The following LZTR1 variants were observed in gnomAD, a reference collection of about 807,000 sequenced individuals.
LZTR1 encodes leucine-zipper-like transcriptional regulator 1.
In LZTR1, 260 loss-of-function variants were observed where a neutral mutation model predicts 105.7. The ratio of observed to expected loss-of-function variants is 2.46; its 90% CI spans 2.22 to 2.72. The LOEUF (loss-of-function observed/expected upper bound fraction) is 2.72, where lower values mean the gene tolerates loss of function less well. Among genes scored for constraint, LZTR1 ranks in the 30% most tolerant of loss-of-function variants. LZTR1 has a pLI of 0.00. For synonymous variants in LZTR1, 490 were observed against 476.4 expected (o/e 1.03, Z -0.37); for missense variants, 1,214 against 1,166.9 (o/e 1.04, Z -0.59).
rs978505307 is a variant in LZTR1 at position 20,992,218 on chromosome 22, G to A, written c.998G>A (p.Gly333Asp). ...CCATGTGTCTCCCCTCTTCAGGTTG[G>A]TGGGGCTGAAGTGCCCGAGCGAGCC... ...VVQPSSDSEV[G>D]GAEVPERACA... is the part of the protein sequence containing the mutation. The change falls in exon 10 of 21, where the codon GGT (glycine) becomes GAT (aspartate). Residue 333 changes from glycine to aspartate, a missense_variant. Physicochemically the swap from Gly to Asp is moderately conservative, Grantham distance 94. Coordinates refer to ENST00000646124, the MANE Select transcript of LZTR1 (RefSeq NM_006767.4). 6.2e-7 allele frequency: 1 copy of A among 1,613,102 alleles called. No homozygotes were observed. Among genetic ancestry groups the A allele is most frequent in the African/African-American group, 1.3e-5 (1 of 74,912 alleles).
rs370702401 is a variant in LZTR1, at chr22:20,987,784, G to A, written c.400+201G>A. Among the ~76,000 whole-genome samples the A allele has an allele frequency of 3.5e-4, 53 of 152,332 alleles. 3 individuals are homozygous for A. The South Asian group carries it at 0.011, about 31-fold the overall frequency. On this transcript the variant is annotated intron_variant, in intron 4 of 20. Transcript: ENST00000646124. ...TAACGGCCCTGAGCTCACAGGGTTG[G>A]GTGTCTTTCTGTGTTACTGAGCTGT...
chr22:20,987,896 A>G, intron 4 of LZTR1, 114 bp from the exon 5 acceptor site: 1 of 706,704 alleles, frequency 1.4e-6, no homozygotes, highest in Non-Finnish European at 2.5e-6. Context: ...GGGCTTGTGG[A>G]AGGAGTCCTG....
rs1373464938 is a variant in LZTR1 at position 20,982,417 on chromosome 22, C to G, written c.46C>G (p.Leu16Val). ...GGGGGGGCAGATCGGGGCTGCGGCC[C>G]TGGCAGGCGGCGCGCGGTCCAAGGT... Reference protein sequence around the residue: ...STGGQIGAAALAGGARSKVAP... With the variant: ...STGGQIGAAAVAGGARSKVAP... Residue 16 changes from leucine to valine, a missense_variant, in exon 1 of 21, where the codon CTG (leucine) becomes GTG (valine). Coordinates refer to ENST00000646124, the MANE Select transcript of LZTR1 (RefSeq NM_006767.4). The G allele has an allele frequency of 1.9e-6, 3 of 1,572,516 alleles. No homozygotes were observed. The highest frequency in any genetic ancestry group is 2.6e-6 in the Non-Finnish European group (3 of 1,158,444).
rs1924969132 is a variant in LZTR1 at position 20,998,558 on chromosome 22, G to A, written c.*1210G>A. ...ACCTGCTCTCCTTTGGGTGTATGCA[G>A]GTGTGTGGGGGGCCCTGAGTGGCAA... On this transcript the variant is annotated 3_prime_UTR_variant, in exon 21 of 21. Transcript: ENST00000646124. 6.6e-6 allele frequency: 1 copy of A among 152,406 alleles called. No individual in the cohort carries two copies. The highest frequency in any genetic ancestry group is 1.5e-5 in the Non-Finnish European group (1 of 68,206). 9.4% of individuals were successfully genotyped at this position (152,406 alleles called of 1,614,324 possible).
intron 3 of LZTR1, chr22:20,986,424 A>C (rs979548262): frequency 1.4e-5 from 2 of 145,556 alleles, no homozygotes; most frequent in African/African-American, 5.1e-5. Flanking sequence ...ATAGAAAGAA[A>C]GATAGATAGA....
chr22:20,982,334 T>C lies in LZTR1; in HGVS notation c.-38T>C, dbSNP rs1459786357. ...GCCGGCCCGGGGCGGTGGCCGCAAG[T>C]TGGGCTTACAGCGCGGCCGATCCGG... On this transcript the variant is annotated 5_prime_UTR_variant, in exon 1 of 21. Coordinates refer to ENST00000646124, the MANE Select transcript of LZTR1 (RefSeq NM_006767.4). 1.3e-6 allele frequency: 2 copies of C among 1,493,910 alleles called. No individual in the cohort carries two copies. Among genetic ancestry groups the C allele is most frequent in the East Asian group, 5.0e-5 (2 of 39,866 alleles). 92.5% of individuals were successfully genotyped at this position (1,493,910 alleles called of 1,614,324 possible). A position where few individuals can be genotyped will look rare whatever the true frequency, so the allele number is the denominator to read the frequency against.
chr22:20,995,788 C>T lies in LZTR1; in HGVS notation c.1985C>T (p.Ala662Val), dbSNP rs200248773. 153 of 1,613,504 alleles carry T rather than the reference C, an allele frequency of 9.5e-5. 2 individuals are homozygous for T. The South Asian group carries it at 1.5e-3, about 16-fold the overall frequency. ...GACATGAAGGCATACCTGGAGGGAGCGGGCGCGGAATTCTGTGACATCACT... is the reference window on the plus strand; with the variant it reads ...GACATGAAGGCATACCTGGAGGGAGTGGGCGCGGAATTCTGTGACATCACT... ...IQDMKAYLEGAGAEFCDITLL... is the reference protein window; with the variant it reads ...IQDMKAYLEGVGAEFCDITLL... Residue 662 changes from alanine (A) to valine (V), a missense_variant, in exon 17 of 21, where the codon GCG becomes GTG. By Grantham distance (64) the Ala-to-Val change is moderately conservative (BLOSUM62 0). Transcript: ENST00000646124.
At chr22:20,991,310 CT>C in intron 8 of LZTR1, 1 of 382,604 alleles carries the variant, frequency 2.6e-6, no homozygotes, top group Non-Finnish European at 4.8e-6. Context: ...CTCTGCACAA[CT>C]TTACTCCCCA....
In LZTR1 at chr22:20,987,558, C is replaced by G. The variant is rs201356174; in HGVS notation, c.375C>G (p.Val125=). The G allele has an allele frequency of 3.1e-6, 5 of 1,614,168 alleles. 1 individual carries two copies. The South Asian group carries it at 4.4e-5, about 14-fold the overall frequency. Residue 125 remains valine (V), a synonymous_variant, in exon 4 of 21, where the codon GTC becomes GTG. Coordinates refer to ENST00000646124, the MANE Select transcript of LZTR1 (RefSeq NM_006767.4). ...PAPRYHHSAV[V]YGSSMFVFGG... ...CCCGTTACCACCACTCGGCCGTCGT[C>G]TATGGGAGCAGCATGTTTGTCTTTG...
At position 20,997,251 on chromosome 22, in the gene LZTR1, T is replaced by C. The variant is rs771094125; in HGVS notation, c.2426T>C (p.Leu809Pro). The C allele has an allele frequency of 1.2e-6, 2 of 1,613,656 alleles. No individual in the cohort carries two copies. The highest frequency in any genetic ancestry group is 8.5e-7 in the Non-Finnish European group (1 of 1,179,722). Residue 809 changes from leucine (L) to proline (P), a missense_variant, in exon 21 of 21, where the codon CTG (leucine) becomes CCG (proline). By Grantham distance (98) the Leu-to-Pro change is moderately conservative. Coordinates refer to ENST00000646124, the MANE Select transcript of LZTR1 (RefSeq NM_006767.4). ...QFTKVSKLPT[L>P]RSLSQQLLLD... Reference sequence around the variant, plus strand: ...TTACAGGTCTCCAAGTTGCCCACCCTGCGGTCGCTGAGCCAGCAGCTGCTG... The same window carrying C: ...TTACAGGTCTCCAAGTTGCCCACCCCGCGGTCGCTGAGCCAGCAGCTGCTG...
rs1395345900 is a variant in LZTR1 at position 20,985,834 on chromosome 22, C to T, written c.264-7C>T. On this transcript the variant is annotated splice_polypyrimidine_tract_variant and splice_region_variant and intron_variant, in intron 2 of 20. Transcript: ENST00000646124. ...TAATGCCACCCTCTCTTCCGGCTGCCTTTCAGGAAGACCATGCTCAATGAC... is the reference window on the plus strand; with the variant it reads ...TAATGCCACCCTCTCTTCCGGCTGCTTTTCAGGAAGACCATGCTCAATGAC... The T allele has an allele frequency of 2.5e-6, 4 of 1,613,954 alleles. No individual in the cohort carries two copies. The East Asian group carries it at 6.7e-5, about 27-fold the overall frequency.
Position 20,997,465 on chromosome 22 carries a change from T to TG in LZTR1, c.*117_*118insG. 1.2e-6 allele frequency: 1 copy of TG among 804,426 alleles called. No homozygotes were observed. The highest frequency in any genetic ancestry group is 1.5e-5 in the South Asian group (1 of 65,400). 49.8% of individuals were successfully genotyped at this position (804,426 alleles called of 1,614,324 possible). A position where few individuals can be genotyped will look rare whatever the true frequency, so the allele number is the denominator to read the frequency against. ...GTGGGTGCACCTGCCAGGCCAAGGG[T>TG]CAGGGTGCCCAGAGCCTCCAAAGAG... On this transcript the variant is annotated 3_prime_UTR_variant, in exon 21 of 21. Coordinates refer to ENST00000646124, the MANE Select transcript of LZTR1 (RefSeq NM_006767.4).
At chr22:20,987,039 T>G (rs1206097956) in intron 3 of LZTR1, 2 of 151,954 alleles carry the variant, frequency 1.3e-5, no homozygotes, top group African/African-American at 4.9e-5. Context: ...TGTTTTTTCC[T>G]TATTGGTGAT....
rs777131276 is a variant in LZTR1 at position 20,996,898 on chromosome 22, G to A, written c.2338G>A (p.Ala780Thr). 1.2e-6 allele frequency: 2 copies of A among 1,612,290 alleles called. No individual in the cohort carries two copies. The highest frequency in any genetic ancestry group is 2.2e-5 in the East Asian group (1 of 44,832). Residue 780 changes from alanine to threonine, a missense_variant, in exon 20 of 21, where the codon GCT becomes ACT. By Grantham distance (58) the Ala-to-Thr change is moderately conservative (BLOSUM62 0). Transcript: ENST00000646124. The part of the protein sequence containing the change: ...VQNVLQILEA[A>T]DKTQALDMKR... ...CCTGCCATTGCAGATCCTGGAGGCAGCTGACAAAACGCAGGCACTGGACAT... is the reference window on the plus strand; with the variant it reads ...CCTGCCATTGCAGATCCTGGAGGCAACTGACAAAACGCAGGCACTGGACAT...
intron 1 of LZTR1, 145 bp downstream of exon 1, chr22:20,982,716 G>A: frequency 1.2e-6 from 1 of 818,132 alleles, no homozygotes; most frequent in South Asian, 1.6e-5. Context: ...CGCTGTTCAG[G>A]GCAGGGGAGA....
Position 20,994,276 on chromosome 22 carries a change from CTGGGTGGGGG to C in LZTR1, c.1615+11_1615+20del, listed in dbSNP as rs1323335446. ...ATCAAATACCCACGGAAAGGTCCGC[CTGGGTGGGGG>C]TGGAGCAGGGTTGGTGTGGGCTGGG... is the stretch of plus-strand genomic sequence containing the variant. On this transcript the variant is annotated splice_region_variant and intron_variant, in intron 14 of 20. Coordinates refer to ENST00000646124, the MANE Select transcript of LZTR1 (RefSeq NM_006767.4). 7 of 1,596,994 alleles carry C rather than the reference CTGGGTGGGGG, an allele frequency of 4.4e-6. No individual in the cohort carries two copies. Among genetic ancestry groups the C allele is most frequent in the South Asian group, 2.2e-5 (2 of 90,920 alleles).
At chr22:20,995,351 T>C (rs1474334682) in intron 16 of LZTR1, 1 of 620,608 alleles carries the variant, frequency 1.6e-6, no homozygotes, top group Admixed American at 2.1e-5. Flanking sequence ...GACTTCTCTT[T>C]GCTTGTAATG....
chr22:20,995,790 G>A lies in LZTR1; in HGVS notation c.1987G>A (p.Gly663Ser), dbSNP rs748059089. 1.2e-6 allele frequency: 2 copies of A among 1,613,592 alleles called. No individual in the cohort carries two copies. The highest frequency in any genetic ancestry group is 1.7e-6 in the Non-Finnish European group (2 of 1,179,998). ...CATGAAGGCATACCTGGAGGGAGCGGGCGCGGAATTCTGTGACATCACTCT... is the reference window on the plus strand; with the variant it reads ...CATGAAGGCATACCTGGAGGGAGCGAGCGCGGAATTCTGTGACATCACTCT... Reference protein sequence around the residue: ...QDMKAYLEGAGAEFCDITLLL... With the variant: ...QDMKAYLEGASAEFCDITLLL... The change falls in exon 17 of 21, where the codon GGC becomes AGC. Residue 663 changes from glycine to serine, a missense_variant. Physicochemically the swap from Gly to Ser is moderately conservative, Grantham distance 56. Transcript: ENST00000646124.
At chr22:20,991,868 C>T (rs1226603120) in intron 9 of LZTR1, 39 bp downstream of exon 9, 1 of 1,511,450 alleles carries the variant, frequency 6.6e-7, no homozygotes, top group Non-Finnish European at 8.9e-7. Context: ...GCCAGCTGGA[C>T]ACCAGTAGCT....
Sources: allele counts gnomAD v4.1 joint callset (sites outside exome capture counted in the v4.1 genomes callset), GRCh38; gene constraint gnomAD v4.1.1; transcripts MANE v1.5; gene names NCBI Gene and HGNC (gene_info 2026-07-23, HGNC 2026-07-21).